The following ST3GAL4 variants were observed in gnomAD, a reference collection of about 807,000 sequenced individuals.
ST3GAL4 encodes the protein CMP-N-acetylneuraminate-beta-galactosamide-alpha-2,3-sialyltransferase 4.
A neutral mutation model predicts 42.6 loss-of-function variants in ST3GAL4; 24 were observed. That is an observed-to-expected ratio of 0.56 (90% CI 0.41 to 0.79). ST3GAL4 has a LOEUF of 0.79. Ranked by LOEUF, ST3GAL4 falls within the 30% of genes least tolerant of loss-of-function variation. The pLI is 0.00. For synonymous variants in ST3GAL4, 135 were observed against 163.2 expected (o/e 0.83, Z 1.32); for missense variants, 311 against 430.8 (o/e 0.72, Z 2.46).
chr11:126,402,489 G>A (rs947419882), intron 1 of ST3GAL4, among the ~76,000 whole-genome samples: 2 of 151,466 alleles, frequency 1.3e-5, no homozygotes, highest in African/African-American at 4.9e-5. Flanking sequence ...GAAGAACTGA[G>A]GACAGTAAGA....
At chr11:126,368,592 G>T (rs1306408426) in intron 1 of ST3GAL4, among the ~76,000 whole-genome samples, 2 of 152,250 alleles carry the variant, frequency 1.3e-5, no homozygotes, top group Non-Finnish European at 2.9e-5. Context: ...CCTCACTTTA[G>T]AGAGGGCTGG....
rs942517741 is a variant in ST3GAL4 at position 126,363,050 on chromosome 11, G to C, written c.-61+7208G>C. ...GTCTGTTCTCCAGGCCCCTAGGACT[G>C]GGTGGGCTAAGATGAGTGGTCTAGA... On this transcript the variant is annotated intron_variant, in intron 1 of 10. Coordinates refer to ENST00000444328, the MANE Select transcript of ST3GAL4 (RefSeq NM_001254757.2). The surrounding 1 kb of genome is among the most constrained non-coding windows in gnomAD (Gnocchi z 4.6). 1.2e-4 allele frequency among the ~76,000 whole-genome samples: 19 copies of C among 152,308 alleles called. No individual in the cohort carries two copies. Among genetic ancestry groups the C allele is most frequent in the African/African-American group, 4.3e-4 (18 of 41,558 alleles).
intron 7 of ST3GAL4, 31 bp downstream of exon 7, chr11:126,408,225 T>C (rs369304307): frequency 6.2e-7 from 1 of 1,613,238 alleles, no homozygotes; most frequent in Non-Finnish European, 8.5e-7. Context: ...CTACTGTTGT[T>C]TGGGAACTGG....
chr11:126,406,832 C>G lies in ST3GAL4; in HGVS notation c.102-111C>G. The G allele has an allele frequency of 1.9e-6, 2 of 1,073,490 alleles. No individual in the cohort carries two copies. Among genetic ancestry groups the G allele is most frequent in the Non-Finnish European group, 2.8e-6 (2 of 715,406 alleles). 66.5% of individuals were successfully genotyped at this position (1,073,490 alleles called of 1,614,324 possible). A position where few individuals can be genotyped will look rare whatever the true frequency, so the allele number is the denominator to read the frequency against. On this transcript the variant is annotated intron_variant, in intron 3 of 10. Transcript: ENST00000444328. The surrounding 1 kb of genome is among the most constrained non-coding windows in gnomAD (Gnocchi z 5.4). ...AAGTGGAACTTAACTTGAGATGATT[C>G]CTCCCCGGCACCTTGGGACCTTCAT...
Position 126,413,610 on chromosome 11 carries a change from A to G in ST3GAL4, c.877A>G (p.Ile293Val). The G allele has an allele frequency of 6.2e-7, 1 of 1,614,256 alleles. No individual in the cohort carries two copies. Among genetic ancestry groups the G allele is most frequent in the Non-Finnish European group, 8.5e-7 (1 of 1,180,050 alleles). ...AGACGCCTACAACAAGAAGCAGACC[A>G]TTCACTACTATGAGCAGATCACGCT... ...YPDAYNKKQT[I>V]HYYEQITLKS... is the part of the protein sequence containing the mutation. The change falls in exon 10 of 11, where the codon ATT (isoleucine) becomes GTT (valine). Residue 293 changes from isoleucine (I) to valine (V), a missense_variant. Transcript: ENST00000444328.
rs1344403853 is a variant in ST3GAL4 at position 126,407,304 on chromosome 11, A to G, written c.235A>G (p.Lys79Glu). The G allele has an allele frequency of 6.2e-7, 1 of 1,614,076 alleles. No individual in the cohort carries two copies. Among genetic ancestry groups the G allele is most frequent in the African/African-American group, 1.3e-5 (1 of 74,924 alleles). The change falls in exon 5 of 11, where the codon AAG (lysine) becomes GAG (glutamate). Residue 79 changes from lysine (K) to glutamate (E), a missense_variant. Physicochemically the swap from Lys to Glu is moderately conservative, Grantham distance 56 (BLOSUM62 1). Transcript: ENST00000444328. ...GCGGCTTGAGGATTATTTCTGGGTC[A>G]AGACGCCATCTGCTTACGAGCTGCC... Reference protein sequence around the residue: ...FLRLEDYFWVKTPSAYELPYG... With the variant: ...FLRLEDYFWVETPSAYELPYG...
At chr11:126,368,817 A>G (rs1211763755) in intron 1 of ST3GAL4, among the ~76,000 whole-genome samples, 5 of 152,118 alleles carry the variant, frequency 3.3e-5, no homozygotes, top group Non-Finnish European at 5.9e-5. Context: ...TTTGCACCCC[A>G]CTGTTTTAAC....
At position 126,386,166 on chromosome 11, in the gene ST3GAL4, TC is replaced by T. The variant is rs1360291890; in HGVS notation, c.-60-19924del. ...CCGGCTCCTCAGAGACATGGTTCTA[TC>T]CCCCCAGTGGCCAAGGGCTGGTGGC... On this transcript the variant is annotated intron_variant, in intron 1 of 10. Coordinates refer to ENST00000444328, the MANE Select transcript of ST3GAL4 (RefSeq NM_001254757.2). This position sits in a 1 kb window ranked among gnomAD's most constrained non-coding sequence, Gnocchi z 4.7. Among the ~76,000 whole-genome samples, 1 of 151,278 alleles carries T rather than the reference TC, an allele frequency of 6.6e-6. No individual in the cohort carries two copies. The highest frequency in any genetic ancestry group is 1.5e-5 in the Non-Finnish European group (1 of 67,362).
At position 126,396,680 on chromosome 11, in the gene ST3GAL4, G is replaced by A. The variant is rs796138597; in HGVS notation, c.-60-9416G>A. 9.9e-5 allele frequency among the ~76,000 whole-genome samples: 15 copies of A among 151,530 alleles called. No homozygotes were observed. The highest frequency in any genetic ancestry group is 3.6e-4 in the African/African-American group (15 of 41,114). On this transcript the variant is annotated intron_variant, in intron 1 of 10. Transcript: ENST00000444328. The surrounding 1 kb of genome is among the most constrained non-coding windows in gnomAD (Gnocchi z 5.8). ...GGGTGGACATCCCGGGGATCGTGGAGTCTAGGGAGCCAGTCTGCACGGGAT... is the reference window on the plus strand; with the variant it reads ...GGGTGGACATCCCGGGGATCGTGGAATCTAGGGAGCCAGTCTGCACGGGAT...
At chr11:126,389,135 C>G (rs1391399488) in intron 1 of ST3GAL4, among the ~76,000 whole-genome samples, 1 of 152,186 alleles carries the variant, frequency 6.6e-6, no homozygotes, top group Non-Finnish European at 1.5e-5. Flanking sequence ...CTCTCTCTTG[C>G]ACTTGCTGTC....
intron 1 of ST3GAL4, among the ~76,000 whole-genome samples, chr11:126,367,448 C>G (rs1952474779): frequency 6.6e-6 from 1 of 152,170 alleles, no homozygotes; most frequent in Non-Finnish European, 1.5e-5. Flanking sequence ...GAGGACCCCT[C>G]TCTTTGCTGG....
chr11:126,407,810 C>T (rs781169718), intron 6 of ST3GAL4, among the ~76,000 whole-genome samples, 176 bp downstream of exon 6: 8 of 151,714 alleles, frequency 5.3e-5, no homozygotes, highest in South Asian at 2.1e-4. Context: ...AGAGGCTGCT[C>T]GAGGGTATTG....
intron 1 of ST3GAL4, among the ~76,000 whole-genome samples, chr11:126,357,131 C>T (rs1893351): frequency 0.02 from 3,042 of 152,226 alleles, 50 homozygotes; most frequent in Middle Eastern, 0.054. Flanking sequence ...GAAATGAACT[C>T]GGGAGGTTGT....
intron 1 of ST3GAL4, among the ~76,000 whole-genome samples, chr11:126,399,611 TTTTA>T (rs1438688262): frequency 1.3e-5 from 2 of 152,278 alleles, no homozygotes; most frequent in East Asian, 3.9e-4. Context: ...CCAACCCTGC[TTTTA>T]TTTATAAGTT....
intron 1 of ST3GAL4, among the ~76,000 whole-genome samples, chr11:126,371,240 C>G (rs1465022415): frequency 1.5e-5 from 2 of 133,494 alleles, no homozygotes; most frequent in Non-Finnish European, 1.5e-5. Flanking sequence ...TCTCGGCTCA[C>G]TGCAATCTCT....
chr11:126,401,073 A>G (rs1953970760), intron 1 of ST3GAL4, among the ~76,000 whole-genome samples: 1 of 152,138 alleles, frequency 6.6e-6, no homozygotes, highest in African/African-American at 2.4e-5. Flanking sequence ...ATCTTCTTCC[A>G]TTTGAGGAAT....
rs1591463366 is a variant in ST3GAL4 at position 126,391,851 on chromosome 11, G to A, written c.-60-14245G>A. On this transcript the variant is annotated intron_variant, in intron 1 of 10. Transcript: ENST00000444328. The surrounding 1 kb of genome is among the most constrained non-coding windows in gnomAD (Gnocchi z 5.5). ...GACACCCTCCAGATACAGAGTTCTT[G>A]CTCTGTGTTTGGCCCATACCTAATG... Among the ~76,000 whole-genome samples, 1 of 151,880 alleles carries A rather than the reference G, an allele frequency of 6.6e-6. No individual in the cohort carries two copies. The highest frequency in any genetic ancestry group is 1.9e-4 in the East Asian group (1 of 5,190).
chr11:126,378,287 C>CGTA lies in ST3GAL4; in HGVS notation c.-61+22445_-61+22446insGTA, dbSNP rs201666539. On this transcript the variant is annotated intron_variant, in intron 1 of 10. Transcript: ENST00000444328. The surrounding 1 kb of genome is among the most constrained non-coding windows in gnomAD (Gnocchi z 5.3). Reference sequence around the variant, plus strand: ...GGGTGATACGAATGTCATGGTTATTCTCCGTCACATCTGCGTCTGCACAGC... The same window carrying CGTA: ...GGGTGATACGAATGTCATGGTTATTCGTATCCGTCACATCTGCGTCTGCACAGC... 6.4e-3 allele frequency among the ~76,000 whole-genome samples: 976 copies of CGTA among 152,304 alleles called. 12 individuals are homozygous for CGTA. The highest frequency in any genetic ancestry group is 0.02 in the African/African-American group (828 of 41,554).
rs1953137329 is a variant in ST3GAL4, at chr11:126,384,488, G to C, written c.-60-21608G>C. On this transcript the variant is annotated intron_variant, in intron 1 of 10. Coordinates refer to ENST00000444328, the MANE Select transcript of ST3GAL4 (RefSeq NM_001254757.2). This position sits in a 1 kb window ranked among gnomAD's most constrained non-coding sequence, Gnocchi z 5.5. ...CATCTGCAGAGGCAGCACTGTTCTG[G>C]AAGTGGACTCTGCTCAGGTGTGGCG... 6.6e-6 allele frequency among the ~76,000 whole-genome samples: 1 copy of C among 152,106 alleles called. No homozygotes were observed. The highest frequency in any genetic ancestry group is 1.5e-5 in the Non-Finnish European group (1 of 68,006).
Sources: gnomAD v4.1 joint callset for allele counts (sites outside exome capture counted in the v4.1 genomes callset) on GRCh38, gnomAD v4.1.1 for gene constraint, Gnocchi (gnomAD v3.1) non-coding constraint, MANE v1.5 for transcripts, NCBI Gene and HGNC (gene_info 2026-07-23, HGNC 2026-07-21) for gene names.